DSCAM: variants seen among roughly 807,000 people sequenced by gnomAD.
The protein encoded by DSCAM is cell adhesion molecule DSCAM.
A neutral mutation model predicts 217.7 loss-of-function variants in DSCAM; 47 were observed. That is an observed-to-expected ratio of 0.22 (90% CI 0.17 to 0.28). DSCAM has a LOEUF of 0.28. Ranked by LOEUF, DSCAM falls within the 10% of genes least tolerant of loss-of-function variation. The probability of loss-of-function intolerance (pLI) is 1.00; values close to 1 mark genes in which losing one functional copy is unlikely to be tolerated. For missense variants in DSCAM, 2,080 were observed against 2,618.3 expected, an observed-to-expected ratio of 0.79 and a Z score of 4.49; for synonymous variants, 1,056 against 1,015.3, an observed-to-expected ratio of 1.04 and a Z score of -0.76.
intron 3 of DSCAM, among the ~76,000 whole-genome samples, chr21:40,543,525 C>T (rs1409208735): frequency 1.3e-5 from 2 of 152,126 alleles, no homozygotes; most frequent in African/African-American, 4.8e-5. Context: ...ATGGAAATCA[C>T]ACATCCCTTC....
At chr21:40,078,569 G>A in intron 26 of DSCAM, 118 bp downstream of exon 26, 1 of 1,342,920 alleles carries the variant, frequency 7.4e-7, no homozygotes, top group Non-Finnish European at 1.0e-6. Flanking sequence ...AAAGCCTAAT[G>A]GGCTCCGTGG....
At chr21:40,435,207 A>G (rs972728351) in intron 3 of DSCAM, among the ~76,000 whole-genome samples, 1 of 152,240 alleles carries the variant, frequency 6.6e-6, no homozygotes, top group African/African-American at 2.4e-5. Context: ...GCAGCTGCCA[A>G]GCGGAATCCT....
intron 11 of DSCAM, among the ~76,000 whole-genome samples, chr21:40,191,677 C>T (rs2090954149): frequency 6.6e-6 from 1 of 152,118 alleles, no homozygotes; most frequent in Non-Finnish European, 1.5e-5. Context: ...TTTCTTCTCT[C>T]ACAGTTCTGG....
intron 18 of DSCAM, among the ~76,000 whole-genome samples, chr21:40,137,256 T>C (rs1030742916): frequency 2.1e-5 from 1 of 47,902 alleles, no homozygotes; most frequent in Non-Finnish European, 5.7e-5. Flanking sequence ...TAATTAGAAT[T>C]AACATTGGGG....
At chr21:40,754,251 C>T (rs1441784719) in intron 1 of DSCAM, among the ~76,000 whole-genome samples, 1 of 152,200 alleles carries the variant, frequency 6.6e-6, no homozygotes, top group Admixed American at 6.5e-5. Context: ...CTATAATAGC[C>T]TCCTTTCTAT....
At chr21:40,810,750 A>T (rs894745892) in intron 1 of DSCAM, among the ~76,000 whole-genome samples, 18 of 152,162 alleles carry the variant, frequency 1.2e-4, no homozygotes, top group Non-Finnish European at 1.8e-4. Context: ...AATAAAAATT[A>T]AAAAACTATC....
At chr21:40,350,094 G>A (rs146135937) in intron 5 of DSCAM, among the ~76,000 whole-genome samples, 2 of 151,956 alleles carry the variant, frequency 1.3e-5, no homozygotes, top group East Asian at 1.9e-4. Flanking sequence ...GGATACATGC[G>A]CTGAACCTAC....
intron 32 of DSCAM, among the ~76,000 whole-genome samples, chr21:40,021,637 T>A (rs1601234785): frequency 1.3e-5 from 2 of 152,342 alleles, no homozygotes; most frequent in East Asian, 3.9e-4. Flanking sequence ...TTATTTGACA[T>A]CATGCTTCAT....
In DSCAM at chr21:40,179,184, C is replaced by CAAAAAA. The variant is rs11286508; in HGVS notation, c.2780-96_2780-91dup. On this transcript the variant is annotated intron_variant, in intron 14 of 32. Transcript: ENST00000400454. ...AAGTTCACAAGTAGGAATTAAAAAC[C>CAAAAAA]AAAAAAAAAAAAAAAAAAAAAAAAA... 4.4e-4 allele frequency: 45 copies of CAAAAAA among 102,616 alleles called. 3 individuals are homozygous for CAAAAAA. Among genetic ancestry groups the CAAAAAA allele is most frequent in the Admixed American group, 8.7e-4 (5 of 5,760 alleles). The allele number at this position is 102,616 out of a possible 1,614,324, so 6.4% of individuals were successfully genotyped here.
intron 3 of DSCAM, among the ~76,000 whole-genome samples, chr21:40,626,364 A>C (rs1568946481): frequency 6.6e-6 from 1 of 151,706 alleles, no homozygotes. Context: ...ACCTGAAATA[A>C]CCCCCATCTG....
chr21:40,200,091 A>G (rs1325607567), intron 11 of DSCAM, among the ~76,000 whole-genome samples: 1 of 150,530 alleles, frequency 6.6e-6, no homozygotes, highest in Non-Finnish European at 1.5e-5. Context: ...GACAAAGTAC[A>G]TTCTTAGTCT....
chr21:40,585,885 T>C (rs1366514064), intron 3 of DSCAM, among the ~76,000 whole-genome samples: 1 of 152,176 alleles, frequency 6.6e-6, no homozygotes, highest in Non-Finnish European at 1.5e-5. Context: ...AGATGGAATT[T>C]CACTCTTGTC....
At chr21:40,154,526 T>C (rs758946906) in intron 16 of DSCAM, among the ~76,000 whole-genome samples, 3 of 152,132 alleles carry the variant, frequency 2.0e-5, no homozygotes, top group Non-Finnish European at 4.4e-5. Flanking sequence ...AGTGCTGGGA[T>C]TACCAGCAGT....
At chr21:40,516,400 C>T (rs1247394038) in intron 3 of DSCAM, among the ~76,000 whole-genome samples, 1 of 152,152 alleles carries the variant, frequency 6.6e-6, no homozygotes. Context: ...GCCTCCCTGG[C>T]TCCCCTCCCC....
At chr21:40,381,930 ATG>A (rs771773465) in intron 3 of DSCAM, among the ~76,000 whole-genome samples, 2 of 152,158 alleles carry the variant, frequency 1.3e-5, no homozygotes, top group Non-Finnish European at 2.9e-5. Flanking sequence ...ACATAAAGTT[ATG>A]TGTGTGTTTG....
chr21:40,637,606 AAT>A (rs1486330429), intron 3 of DSCAM, among the ~76,000 whole-genome samples: 6 of 36,788 alleles, frequency 1.6e-4, no homozygotes, highest in African/African-American at 5.6e-4. Flanking sequence ...TATATATATA[AAT>A]ATATATAAAT....
intron 26 of DSCAM, among the ~76,000 whole-genome samples, chr21:40,076,782 C>T (rs1455488165): frequency 6.6e-6 from 1 of 152,190 alleles, no homozygotes; most frequent in Non-Finnish European, 1.5e-5. Flanking sequence ...GCTGGGTGCC[C>T]AGGCATCTGC....
intron 3 of DSCAM, among the ~76,000 whole-genome samples, chr21:40,439,532 C>G (rs1173499860): frequency 4.6e-5 from 7 of 152,216 alleles, no homozygotes; most frequent in African/African-American, 1.4e-4. Context: ...GAACCTCAGA[C>G]AGAAGTGGCT....
At chr21:40,611,623 GT>G (rs1423118770) in intron 3 of DSCAM, among the ~76,000 whole-genome samples, 1 of 152,084 alleles carries the variant, frequency 6.6e-6, no homozygotes, top group African/African-American at 2.4e-5. Context: ...CAAAGTTGGT[GT>G]CATTTGAGAT....
Sources: gnomAD v4.1 joint callset for allele counts (sites outside exome capture counted in the v4.1 genomes callset) on GRCh38, gnomAD v4.1.1 for gene constraint, MANE v1.5 for transcripts, NCBI Gene and HGNC (gene_info 2026-07-23, HGNC 2026-07-21) for gene names.